The following RIMS1 variants were observed in gnomAD, a reference collection of about 807,000 sequenced individuals.
RIMS1 encodes regulating synaptic membrane exocytosis 1, also known as regulating synaptic membrane exocytosis protein 1.
Under a neutral mutation model 214.1 loss-of-function variants are expected in RIMS1, and 83 were observed. The ratio of observed to expected loss-of-function variants is 0.39; its 90% CI spans 0.32 to 0.47. The LOEUF (loss-of-function observed/expected upper bound fraction) is 0.47. Ranked by LOEUF, RIMS1 falls within the 20% of genes least tolerant of loss-of-function variation. RIMS1 has a pLI of 0.99. For missense variants in RIMS1, 2,050 were observed against 2,161.8 expected, an observed-to-expected ratio of 0.95 and a Z score of 1.03; for synonymous variants, 793 against 786.8, an observed-to-expected ratio of 1.01 and a Z score of -0.13.
intron 6 of RIMS1, among the ~76,000 whole-genome samples, chr6:72,183,680 T>C (rs1456713026): frequency 6.6e-6 from 1 of 152,048 alleles, no homozygotes; most frequent in South Asian, 2.1e-4. Context: ...TATATATGGA[T>C]GTTTTTTCAA....
chr6:72,059,006 CAT>C (rs970840125), intron 2 of RIMS1, among the ~76,000 whole-genome samples: 5 of 152,166 alleles, frequency 3.3e-5, no homozygotes, highest in African/African-American at 1.2e-4. Flanking sequence ...CTCATTTAAA[CAT>C]ATTAATAGTG....
At chr6:72,153,793 G>T (rs777766570) in intron 4 of RIMS1, among the ~76,000 whole-genome samples, 5 of 152,138 alleles carry the variant, frequency 3.3e-5, no homozygotes, top group African/African-American at 4.8e-5. Flanking sequence ...AATATTTTGA[G>T]AAATCTGATG....
chr6:72,266,136 A>G, intron 22 of RIMS1, 87 bp downstream of exon 22: 1 of 915,472 alleles, frequency 1.1e-6, no homozygotes. Flanking sequence ...ACAGCCTTAC[A>G]GGTTTATTCA....
At chr6:72,031,390 G>A (rs2152012811) in intron 2 of RIMS1, among the ~76,000 whole-genome samples, 1 of 152,180 alleles carries the variant, frequency 6.6e-6, no homozygotes, top group African/African-American at 2.4e-5. Context: ...ACCCAAGAAA[G>A]CATTTTCATT....
intron 26 of RIMS1, among the ~76,000 whole-genome samples, chr6:72,295,593 C>T (rs1407707894): frequency 6.6e-6 from 1 of 151,440 alleles, no homozygotes; most frequent in African/African-American, 2.4e-5. Context: ...ACAATGGATT[C>T]AAGTTAAGAT....
rs547490596 is a variant in RIMS1, at chr6:72,163,448, G to A, written c.472-16127G>A. 1.1e-3 allele frequency among the ~76,000 whole-genome samples: 156 copies of A among 141,320 alleles called. 29 individuals carry two copies. Among genetic ancestry groups the A allele is most frequent in the Non-Finnish European group, 1.6e-4 (10 of 62,028 alleles). 92.7% of individuals were successfully genotyped at this position (141,320 alleles called of 152,430 possible). A position where few individuals can be genotyped will look rare whatever the true frequency, so the allele number is the denominator to read the frequency against. On this transcript the variant is annotated intron_variant, in intron 4 of 33. Transcript: ENST00000521978. ...GGTGAGGAGCTGTGTTCCTTTGGAG[G>A]AGGAGAGGCACTCTGATTTTTAATT...
At chr6:72,092,419 G>T (rs1836548965) in intron 2 of RIMS1, among the ~76,000 whole-genome samples, 1 of 151,998 alleles carries the variant, frequency 6.6e-6, no homozygotes, top group Non-Finnish European at 1.5e-5. Context: ...CAGAATAAGA[G>T]AATCTTATCT....
intron 4 of RIMS1, among the ~76,000 whole-genome samples, chr6:72,109,818 G>A (rs2035645136): frequency 6.6e-6 from 1 of 151,920 alleles, no homozygotes; most frequent in African/African-American, 2.4e-5. Flanking sequence ...TTTCTTCTAG[G>A]GTTTTTATGG....
intron 6 of RIMS1, chr6:72,213,097 C>T (rs1436382497): frequency 1.2e-5 from 19 of 1,536,456 alleles, no homozygotes; most frequent in Non-Finnish European, 1.6e-5. Flanking sequence ...ATCTCTCAAG[C>T]TGGATTTATT....
chr6:72,060,110 GATTATT>G (rs534525714), intron 2 of RIMS1, among the ~76,000 whole-genome samples: 1 of 150,530 alleles, frequency 6.6e-6, no homozygotes, highest in African/African-American at 2.4e-5. Context: ...AGCTAATTTT[GATTATT>G]ATTATTATTA....
At chr6:71,995,451 C>CGTGT (rs59174738) in intron 2 of RIMS1, among the ~76,000 whole-genome samples, 49,049 of 144,164 alleles carry the variant, frequency 0.34, 8,292 homozygotes, top group East Asian at 0.51. Flanking sequence ...TGTAATATGA[C>CGTGT]GTGTGTGTGT....
intron 1 of RIMS1, among the ~76,000 whole-genome samples, chr6:71,967,127 G>A (rs369970717): frequency 6.6e-6 from 1 of 152,278 alleles, no homozygotes; most frequent in Non-Finnish European, 1.5e-5. Flanking sequence ...AGTGGCTCAC[G>A]CCTGTAGTCC....
chr6:72,385,056 T>A (rs889725805), intron 29 of RIMS1, among the ~76,000 whole-genome samples: 2 of 152,230 alleles, frequency 1.3e-5, no homozygotes, highest in African/African-American at 4.8e-5. Context: ...TGGATTTTAG[T>A]AATTTTTCAT....
intron 22 of RIMS1, among the ~76,000 whole-genome samples, chr6:72,267,666 G>A (rs2081222718): frequency 6.6e-6 from 1 of 152,066 alleles, no homozygotes; most frequent in Non-Finnish European, 1.5e-5. Context: ...GTGGTTTGTG[G>A]CTCCTGTACT....
intron 29 of RIMS1, chr6:72,366,816 T>G: frequency 2.0e-6 from 2 of 985,698 alleles, no homozygotes; most frequent in Non-Finnish European, 2.4e-6. Flanking sequence ...CATTCAGTTT[T>G]CCCCAGAGAA....
intron 2 of RIMS1, among the ~76,000 whole-genome samples, chr6:72,091,565 G>T (rs1156433075): frequency 1.3e-5 from 2 of 151,720 alleles, no homozygotes; most frequent in Non-Finnish European, 2.9e-5. Context: ...AGTTTTTTAG[G>T]CATTCATCTT....
In RIMS1 at chr6:71,962,081, A is replaced by G. The variant is rs189224723; in HGVS notation, c.165-6902A>G. On this transcript the variant is annotated intron_variant, in intron 1 of 33. Coordinates refer to ENST00000521978, the MANE Select transcript of RIMS1 (RefSeq NM_014989.7). Reference sequence around the variant, plus strand: ...GACATGTTGCCAAAATCTTGGAGACAATATGAGAAACTTATAGAATCAAGC... The same window carrying G: ...GACATGTTGCCAAAATCTTGGAGACGATATGAGAAACTTATAGAATCAAGC... Among the ~76,000 whole-genome samples, 452 of 152,298 alleles carry G rather than the reference A, an allele frequency of 3.0e-3. 2 individuals are homozygous for G. Among genetic ancestry groups the G allele is most frequent in the African/African-American group, 9.8e-3 (406 of 41,566 alleles).
At chr6:72,173,269 T>G (rs59330948) in intron 4 of RIMS1, among the ~76,000 whole-genome samples, 32,227 of 151,976 alleles carry the variant, frequency 0.21, 4,062 homozygotes, top group Non-Finnish European at 0.27. Flanking sequence ...TAGGATCTTT[T>G]TTTTAGCTTT....
chr6:72,176,073 T>C (rs968997904), intron 4 of RIMS1, among the ~76,000 whole-genome samples: 3 of 152,190 alleles, frequency 2.0e-5, no homozygotes, highest in African/African-American at 7.2e-5. Context: ...AACTTCACGA[T>C]AGTATTTGAA....
Sources: gnomAD v4.1 joint callset for allele counts (sites outside exome capture counted in the v4.1 genomes callset) on GRCh38, gnomAD v4.1.1 for gene constraint, MANE v1.5 for transcripts, NCBI Gene and HGNC (gene_info 2026-07-23, HGNC 2026-07-21) for gene names.